MEIS2: variants seen among roughly 807,000 people sequenced by gnomAD.
MEIS2 encodes homeobox protein Meis2.
In MEIS2, 9 loss-of-function variants were observed where a neutral mutation model predicts 58.6. The observed-to-expected ratio is 0.15, with a 90% CI of 0.09 to 0.27. The LOEUF is 0.27. Ranked by LOEUF, MEIS2 falls within the 10% of genes least tolerant of loss-of-function variation. The probability of loss-of-function intolerance (pLI) is 1.00; values close to 1 mark genes in which losing one functional copy is unlikely to be tolerated. For synonymous variants in MEIS2, 221 were observed against 228.4 expected (o/e 0.97, Z 0.29); for missense variants, 427 against 635.0 (o/e 0.67, Z 3.52).
intron 7 of MEIS2, among the ~76,000 whole-genome samples, chr15:37,060,853 C>A (rs970193154): frequency 6.6e-6 from 1 of 152,118 alleles, no homozygotes; most frequent in African/African-American, 2.4e-5. Context: ...GGGCTGGAAT[C>A]ATGTTTTATC....
At chr15:36,920,893 G>A (rs1469227626) in intron 9 of MEIS2, among the ~76,000 whole-genome samples, 1 of 152,150 alleles carries the variant, frequency 6.6e-6, no homozygotes, top group Non-Finnish European at 1.5e-5. Context: ...ATGGGTGGAA[G>A]CTGAAATTTA....
chr15:37,086,327 C>G (rs957380178), intron 6 of MEIS2, among the ~76,000 whole-genome samples: 16 of 152,144 alleles, frequency 1.1e-4, no homozygotes, highest in Admixed American at 1.0e-3. Context: ...ACTGGTTTGT[C>G]CCTATCAGCT....
chr15:37,070,953 C>T (rs1890623451), intron 7 of MEIS2, among the ~76,000 whole-genome samples: 2 of 152,024 alleles, frequency 1.3e-5, no homozygotes, highest in Admixed American at 6.6e-5. Context: ...TTCAGGGAAG[C>T]ATACGGGTCT....
chr15:37,072,820 C>T (rs1472882444), intron 7 of MEIS2, among the ~76,000 whole-genome samples: 1 of 151,774 alleles, frequency 6.6e-6, no homozygotes, highest in Non-Finnish European at 1.5e-5. Context: ...TAATAATATC[C>T]CTCCCCCCTT....
chr15:37,077,984 A>T (rs1450606327), intron 7 of MEIS2, among the ~76,000 whole-genome samples: 2 of 152,118 alleles, frequency 1.3e-5, no homozygotes, highest in East Asian at 3.9e-4. Context: ...GGATACATTT[A>T]AAAACTATGT....
intron 7 of MEIS2, among the ~76,000 whole-genome samples, chr15:37,058,961 A>G (rs544517450): frequency 6.6e-6 from 1 of 152,362 alleles, no homozygotes; most frequent in Admixed American, 6.5e-5. Context: ...GATCTAAAAG[A>G]AAAGACTGTT....
upstream of MEIS2, chr15:37,101,303 CGTGT>C (rs371810726): frequency 0.094 from 12,066 of 128,252 alleles, 788 homozygotes; most frequent in East Asian, 0.16. Context: ...TAGCCAAAGG[CGTGT>C]GTGTGTGTGT....
chr15:36,985,004 G>T (rs1171443508), intron 8 of MEIS2, among the ~76,000 whole-genome samples: 2 of 151,898 alleles, frequency 1.3e-5, no homozygotes, highest in Non-Finnish European at 2.9e-5. Flanking sequence ...TGTCAATTTT[G>T]TTCCTTTTCA....
intron 7 of MEIS2, among the ~76,000 whole-genome samples, chr15:37,042,963 T>C (rs76998894): frequency 2.0e-3 from 300 of 152,328 alleles, no homozygotes; most frequent in African/African-American, 6.7e-3. Context: ...TATTAAAAAC[T>C]TCATAGAACT....
intron 7 of MEIS2, among the ~76,000 whole-genome samples, chr15:37,073,260 T>C (rs1890947816): frequency 6.6e-6 from 1 of 152,038 alleles, no homozygotes; most frequent in South Asian, 2.1e-4. Context: ...TGCTTGGAAG[T>C]GGCAGGGCAA....
At chr15:37,050,845 G>A (rs563358003) in intron 7 of MEIS2, 14 of 152,350 alleles carry the variant, frequency 9.2e-5, no homozygotes, top group African/African-American at 3.1e-4. Flanking sequence ...TAGTCAAAGT[G>A]AAAGAGTGTG....
intron 9 of MEIS2, among the ~76,000 whole-genome samples, chr15:36,920,618 G>A (rs1414363458): frequency 6.6e-6 from 1 of 152,228 alleles, no homozygotes; most frequent in African/African-American, 2.4e-5. Context: ...GATCACAAAT[G>A]TGGGAAAATG....
At chr15:36,985,061 AG>A in intron 8 of MEIS2, among the ~76,000 whole-genome samples, 1 of 152,134 alleles carries the variant, frequency 6.6e-6, no homozygotes, top group South Asian at 2.1e-4. Flanking sequence ...ATTTTTCTTC[AG>A]TTGAGAGAAT....
At chr15:37,094,408 A>T in intron 5 of MEIS2, 119 bp downstream of exon 5, 1 of 925,282 alleles carries the variant, frequency 1.1e-6, no homozygotes, top group Non-Finnish European at 1.7e-6. Context: ...GGACATGGTT[A>T]CATGCTCAAA....
At chr15:36,975,850 G>A (rs1003080727) in intron 8 of MEIS2, among the ~76,000 whole-genome samples, 8 of 152,130 alleles carry the variant, frequency 5.3e-5, no homozygotes, top group African/African-American at 1.9e-4. Context: ...GAAAATTGCT[G>A]AGAGCAAATT....
At chr15:37,041,828 A>G (rs1169218476) in intron 7 of MEIS2, among the ~76,000 whole-genome samples, 2 of 152,212 alleles carry the variant, frequency 1.3e-5, no homozygotes, top group Admixed American at 6.5e-5. Context: ...AGATTTAAAA[A>G]AAGCTTAAAA....
intron 9 of MEIS2, among the ~76,000 whole-genome samples, chr15:36,929,321 T>C (rs966575325): frequency 3.3e-5 from 5 of 152,198 alleles, no homozygotes; most frequent in Non-Finnish European, 7.4e-5. Context: ...CAAAGACCAA[T>C]AAATATCAGC....
chr15:37,099,149 C>G (rs1390200557), intron 1 of MEIS2: 1 of 1,171,922 alleles, frequency 8.5e-7, no homozygotes, highest in Non-Finnish European at 1.1e-6. Flanking sequence ...TGGAGCGAGG[C>G]GAAAGCGTGT....
rs1253908228 is a variant in MEIS2, at chr15:37,099,662, TTTC to T, written c.-199_-197del. ...ACGAAGAATTTTTTTTTCTGTGATA[TTTC>T]TTCTTTTTCTCTTTTTTCCTCTTCT... On this transcript the variant is annotated 5_prime_UTR_variant, in exon 1 of 12. Coordinates refer to ENST00000561208, the MANE Select transcript of MEIS2 (RefSeq NM_170675.5). The T allele has an allele frequency of 3.1e-6, 2 of 637,478 alleles. No homozygotes were observed. Among genetic ancestry groups the T allele is most frequent in the Non-Finnish European group, 5.1e-6 (2 of 395,656 alleles). The allele number at this position is 637,478 out of a possible 1,614,324, so 39.5% of individuals were successfully genotyped here. A position where few individuals can be genotyped will look rare whatever the true frequency, so the allele number is the denominator to read the frequency against.
Sources: gnomAD v4.1 joint callset for allele counts (sites outside exome capture counted in the v4.1 genomes callset) on GRCh38, gnomAD v4.1.1 for gene constraint, MANE v1.5 for transcripts, NCBI Gene and HGNC (gene_info 2026-07-23, HGNC 2026-07-21) for gene names.